The following AFF3 variants were observed in gnomAD, a reference collection of about 807,000 sequenced individuals.
The protein encoded by AFF3 is ALF transcription elongation factor 3.
AFF3 carries 32 observed loss-of-function variants against 129.7 expected under a neutral mutation model. That is an observed-to-expected ratio of 0.25 (90% CI 0.19 to 0.33). AFF3 has a LOEUF of 0.33. Ranked by LOEUF, AFF3 falls within the 10% of genes least tolerant of loss-of-function variation. The pLI is 1.00. For synonymous variants in AFF3, 644 were observed against 635.4 expected (o/e 1.01, Z -0.20); for missense variants, 1,373 against 1,592.0 (o/e 0.86, Z 2.34).
At chr2:99,668,904 A>G (rs1402977578) in intron 12 of AFF3, among the ~76,000 whole-genome samples, 4 of 152,176 alleles carry the variant, frequency 2.6e-5, no homozygotes, top group Non-Finnish European at 5.9e-5. Context: ...AGAAAAGGGC[A>G]GGGGACCCTT....
chr2:99,636,590 G>T (rs1002045350), intron 13 of AFF3, among the ~76,000 whole-genome samples: 9 of 152,216 alleles, frequency 5.9e-5, no homozygotes, highest in Non-Finnish European at 1.2e-4. Flanking sequence ...AGTCTGTTCA[G>T]AATTTGGCGG....
intron 9 of AFF3, among the ~76,000 whole-genome samples, chr2:99,750,079 G>A (rs1272735792): frequency 1.3e-5 from 2 of 152,152 alleles, no homozygotes; most frequent in Admixed American, 6.5e-5. Flanking sequence ...ATTGGAGCAG[G>A]AAAGATCTTT....
intron 2 of AFF3, chr2:100,106,281 C>A (rs1027585220): frequency 1.2e-4 from 137 of 1,176,850 alleles, no homozygotes; most frequent in Non-Finnish European, 1.5e-4. Flanking sequence ...ATTTTACAAG[C>A]TGATAACTCT....
intron 12 of AFF3, among the ~76,000 whole-genome samples, chr2:99,653,568 G>A (rs949713263): frequency 1.3e-5 from 2 of 152,318 alleles, no homozygotes; most frequent in African/African-American, 4.8e-5. Context: ...CTGTCTGGCC[G>A]CCAATGGAGT....
intron 7 of AFF3, among the ~76,000 whole-genome samples, chr2:99,842,196 T>C (rs563407797): frequency 2.0e-5 from 3 of 152,102 alleles, no homozygotes; most frequent in Non-Finnish European, 4.4e-5. Flanking sequence ...AGGGTTGGGG[T>C]TGGGGGATCT....
chr2:99,827,037 C>A (rs911972541), intron 8 of AFF3, among the ~76,000 whole-genome samples: 20 of 152,142 alleles, frequency 1.3e-4, no homozygotes, highest in African/African-American at 4.8e-5. Flanking sequence ...ACAGCATGGA[C>A]AGCCGGGGAA....
intron 7 of AFF3, among the ~76,000 whole-genome samples, chr2:99,876,027 G>A (rs1471481765): frequency 1.3e-5 from 2 of 152,030 alleles, no homozygotes; most frequent in Non-Finnish European, 2.9e-5. Context: ...TATGGCACTG[G>A]CGACTTCCAG....
chr2:100,092,615 T>C (rs1689953978), intron 4 of AFF3, among the ~76,000 whole-genome samples: 1 of 152,220 alleles, frequency 6.6e-6, no homozygotes, highest in Non-Finnish European at 1.5e-5. Context: ...CATCCTGCCA[T>C]TCCCAACCTG....
chr2:99,882,029 T>G (rs1432561785), intron 7 of AFF3, among the ~76,000 whole-genome samples: 1 of 152,170 alleles, frequency 6.6e-6, no homozygotes. Flanking sequence ...ATGTCTCATT[T>G]TGGCATGATT....
intron 8 of AFF3, among the ~76,000 whole-genome samples, chr2:99,815,694 C>G (rs942579475): frequency 4.7e-5 from 7 of 150,468 alleles, no homozygotes; most frequent in Admixed American, 1.3e-4. Context: ...GCATAGAATT[C>G]TGGGTTGAGA....
chr2:99,772,609 G>A (rs1178792049), intron 8 of AFF3, among the ~76,000 whole-genome samples: 4 of 152,094 alleles, frequency 2.6e-5, no homozygotes, highest in Admixed American at 6.5e-5. Context: ...GGAAGATATG[G>A]TGGCAATTAA....
chr2:99,594,329 T>C (rs1679075695), intron 14 of AFF3, 40 bp from the exon 15 acceptor site: 6 of 1,565,672 alleles, frequency 3.8e-6, no homozygotes, highest in Non-Finnish European at 5.2e-6. Context: ...ACATCTTTCA[T>C]TACAGGCTCA....
At chr2:99,642,910 T>C (rs1684340691) in intron 13 of AFF3, among the ~76,000 whole-genome samples, 1 of 152,182 alleles carries the variant, frequency 6.6e-6, no homozygotes. Context: ...AATGTGATAG[T>C]GATTCTAAAC....
intron 15 of AFF3, among the ~76,000 whole-genome samples, chr2:99,590,668 G>C (rs1678577969): frequency 6.6e-6 from 1 of 152,170 alleles, no homozygotes; most frequent in South Asian, 2.1e-4. Context: ...GCCAGTGCTG[G>C]GTGGAAACTA....
chr2:99,755,257 A>G (rs1471747670), intron 8 of AFF3, among the ~76,000 whole-genome samples: 2 of 149,118 alleles, frequency 1.3e-5, no homozygotes, highest in East Asian at 3.9e-4. Flanking sequence ...CCCTACCTTC[A>G]TGATATTTTC....
intron 4 of AFF3, among the ~76,000 whole-genome samples, chr2:100,035,396 C>T (rs763269282): frequency 6.6e-6 from 1 of 152,200 alleles, no homozygotes; most frequent in Non-Finnish European, 1.5e-5. Context: ...ATCACATTTA[C>T]TCAACAGGAG....
intron 7 of AFF3, among the ~76,000 whole-genome samples, chr2:99,869,214 G>A (rs1691671961): frequency 6.6e-6 from 1 of 152,088 alleles, no homozygotes; most frequent in Non-Finnish European, 1.5e-5. Context: ...CAAGAAAAGC[G>A]GGTCCCCAGG....
chr2:100,007,946 G>A (rs59824534), intron 5 of AFF3: 4,679 of 162,876 alleles, frequency 0.029, 137 homozygotes, highest in African/African-American at 0.076. Context: ...CTGCACTCCA[G>A]CCTGGGTGAC....
At chr2:99,855,137 G>A (rs937643919) in intron 7 of AFF3, among the ~76,000 whole-genome samples, 37 of 152,130 alleles carry the variant, frequency 2.4e-4, no homozygotes, top group African/African-American at 8.7e-4. Flanking sequence ...CAAAAAAATC[G>A]TTAAAATTAA....
Sources: allele counts gnomAD v4.1 joint callset (sites outside exome capture counted in the v4.1 genomes callset), GRCh38; gene constraint gnomAD v4.1.1; transcripts MANE v1.5; gene names NCBI Gene and HGNC (gene_info 2026-07-23, HGNC 2026-07-21).